PTCHD4: variants seen among roughly 807,000 people sequenced by gnomAD.
PTCHD4 encodes the protein patched domain-containing protein 4.
Under a neutral mutation model 58.1 loss-of-function variants are expected in PTCHD4, and 33 were observed. The observed-to-expected ratio is 0.57, with a 90% CI of 0.43 to 0.76. The LOEUF (loss-of-function observed/expected upper bound fraction) is 0.76, where lower values mean the gene tolerates loss of function less well. PTCHD4 is among the 30% of genes least tolerant of loss of function. PTCHD4 has a pLI of 0.00. For synonymous variants in PTCHD4, 478 were observed against 409.6 expected (o/e 1.17, Z -2.02); for missense variants, 1,058 against 1,027.1 (o/e 1.03, Z -0.41).
intron 4 of PTCHD4, among the ~76,000 whole-genome samples, chr6:47,987,865 C>T (rs542306816): frequency 1.6e-4 from 24 of 151,920 alleles, no homozygotes; most frequent in Non-Finnish European, 3.1e-4. Flanking sequence ...CAGTCTCTGC[C>T]TCCAGGTTCA....
chr6:48,019,975 A>G (rs1440484268), intron 3 of PTCHD4, among the ~76,000 whole-genome samples: 1 of 151,026 alleles, frequency 6.6e-6, no homozygotes, highest in Non-Finnish European at 1.5e-5. Flanking sequence ...ACAAAGGTGT[A>G]GATCTGCCCT....
At chr6:47,917,204 T>C (rs1765287424) in intron 4 of PTCHD4, among the ~76,000 whole-genome samples, 1 of 152,038 alleles carries the variant, frequency 6.6e-6, no homozygotes, top group Non-Finnish European at 1.5e-5. Context: ...TTTTCAATAA[T>C]GCTATTTTGG....
At chr6:47,980,186 T>C (rs537580477) in intron 4 of PTCHD4, among the ~76,000 whole-genome samples, 22 of 152,198 alleles carry the variant, frequency 1.4e-4, no homozygotes, top group African/African-American at 5.1e-4. Context: ...TATTTTTATG[T>C]ATAAGAAAAC....
rs1008834109 is a variant in PTCHD4 at position 47,878,170 on chromosome 6, C to T, written c.*133G>A. On this transcript the variant is annotated 3_prime_UTR_variant, in exon 5 of 5. Transcript: ENST00000339488. ...CCAAGAAGCAGGCACCTTGAAGTGT[C>T]ATGAATAATGCACTCTTGATCTGAC... 1.4e-5 allele frequency: 10 copies of T among 739,494 alleles called. No homozygotes were observed. The highest frequency in any genetic ancestry group is 1.1e-4 in the Admixed American group (4 of 37,682). 45.8% of individuals were successfully genotyped at this position (739,494 alleles called of 1,614,324 possible).
Position 48,069,146 on chromosome 6 carries a change from G to T in PTCHD4, c.-189C>A, listed in dbSNP as rs1001324744. ...GCAGACATGTGCCCCATAAAGGGGG[G>T]GGGGGCTGAGGGGGGGAGAGGAGGG... On this transcript the variant is annotated 5_prime_UTR_variant, in exon 2 of 5. Transcript: ENST00000339488. Among the ~76,000 whole-genome samples, 2 of 140,028 alleles carry T rather than the reference G, an allele frequency of 1.4e-5. No individual in the cohort carries two copies. The highest frequency in any genetic ancestry group is 2.7e-4 in the South Asian group (1 of 3,756). 91.9% of individuals were successfully genotyped at this position (140,028 alleles called of 152,430 possible). A position where few individuals can be genotyped will look rare whatever the true frequency, so the allele number is the denominator to read the frequency against.
At chr6:48,080,023 T>C (rs1202997106) in intron 1 of PTCHD4, among the ~76,000 whole-genome samples, 1 of 141,222 alleles carries the variant, frequency 7.1e-6, no homozygotes, top group Non-Finnish European at 1.5e-5. Context: ...ATGTAGAAAT[T>C]GAGAGGAAAG....
At chr6:47,958,375 C>T (rs572678017) in intron 4 of PTCHD4, among the ~76,000 whole-genome samples, 4 of 152,202 alleles carry the variant, frequency 2.6e-5, no homozygotes, top group African/African-American at 9.6e-5. Context: ...CTAAAACAAC[C>T]AAGAACTGGA....
At chr6:47,906,361 T>C (rs1000116372) in intron 4 of PTCHD4, among the ~76,000 whole-genome samples, 3 of 152,212 alleles carry the variant, frequency 2.0e-5, no homozygotes, top group African/African-American at 7.2e-5. Context: ...CTCAGTCTTT[T>C]CCTTGCCCTC....
At chr6:47,897,348 T>C (rs536501661) in intron 4 of PTCHD4, among the ~76,000 whole-genome samples, 156 of 152,364 alleles carry the variant, frequency 1.0e-3, no homozygotes, top group African/African-American at 3.6e-3. Context: ...ACTACTTGTA[T>C]AACAGACAAG....
chr6:47,961,986 T>C (rs997629421), intron 4 of PTCHD4, among the ~76,000 whole-genome samples: 2 of 151,998 alleles, frequency 1.3e-5, no homozygotes, highest in African/African-American at 2.4e-5. Flanking sequence ...AGCTTGTTCT[T>C]TGAGAAGACA....
intron 4 of PTCHD4, among the ~76,000 whole-genome samples, chr6:48,004,555 C>T (rs1344344814): frequency 6.6e-6 from 1 of 152,146 alleles, no homozygotes; most frequent in Non-Finnish European, 1.5e-5. Context: ...GTGCCATTCT[C>T]ATTGGTATGT....
intron 4 of PTCHD4, among the ~76,000 whole-genome samples, chr6:48,000,822 C>T (rs1191396408): frequency 6.6e-6 from 1 of 152,184 alleles, no homozygotes; most frequent in Non-Finnish European, 1.5e-5. Context: ...TCTGCAGTTT[C>T]TTCCTCTCTC....
At chr6:47,958,341 A>G (rs985710862) in intron 4 of PTCHD4, among the ~76,000 whole-genome samples, 2 of 152,210 alleles carry the variant, frequency 1.3e-5, no homozygotes, top group Non-Finnish European at 2.9e-5. Context: ...ACCACAAGAC[A>G]ACATCTAAAA....
intron 4 of PTCHD4, among the ~76,000 whole-genome samples, chr6:47,922,980 C>T (rs771379053): frequency 1.6e-4 from 25 of 152,068 alleles, no homozygotes; most frequent in Non-Finnish European, 3.1e-4. Context: ...ATTTATTTTG[C>T]TTTTTGGAGC....
At chr6:48,032,502 T>C (rs1390556150) in intron 3 of PTCHD4, among the ~76,000 whole-genome samples, 1 of 151,978 alleles carries the variant, frequency 6.6e-6, no homozygotes, top group Non-Finnish European at 1.5e-5. Flanking sequence ...TCTAACTTAA[T>C]ATGACACAGC....
At chr6:47,906,174 G>C (rs1764878595) in intron 4 of PTCHD4, among the ~76,000 whole-genome samples, 1 of 152,202 alleles carries the variant, frequency 6.6e-6, no homozygotes, top group African/African-American at 2.4e-5. Flanking sequence ...GAGCTGTGGA[G>C]TCCCAGCCAT....
At chr6:47,904,100 C>T (rs368756545) in intron 4 of PTCHD4, among the ~76,000 whole-genome samples, 11 of 152,128 alleles carry the variant, frequency 7.2e-5, no homozygotes, top group African/African-American at 2.4e-4. Flanking sequence ...GAGATGAGCT[C>T]AGAGAGATAA....
At chr6:48,100,085 G>T (rs939215448) in intron 1 of PTCHD4, among the ~76,000 whole-genome samples, 24 of 152,214 alleles carry the variant, frequency 1.6e-4, no homozygotes, top group African/African-American at 5.3e-4. Flanking sequence ...TCATAAAATT[G>T]AAAACAATAT....
At chr6:47,941,297 G>A (rs867694622) in intron 4 of PTCHD4, among the ~76,000 whole-genome samples, 4 of 152,194 alleles carry the variant, frequency 2.6e-5, no homozygotes, top group African/African-American at 9.6e-5. Flanking sequence ...ATCTTGGAGT[G>A]TGGAGGAAGC....
Sources: allele counts gnomAD v4.1 joint callset (sites outside exome capture counted in the v4.1 genomes callset), GRCh38; gene constraint gnomAD v4.1.1; transcripts MANE v1.5; gene names NCBI Gene and HGNC (gene_info 2026-07-23, HGNC 2026-07-21).